C10orf105: variants seen among roughly 807,000 people sequenced by gnomAD.
C10orf105 encodes the protein chromosome 10 open reading frame 105.
Under a neutral mutation model 0.6 loss-of-function variants are expected in C10orf105, and 2 were observed. The observed-to-expected ratio is 3.18, with a 90% CI of 1.30 to 10.01. The LOEUF is 10.01. Ranked by LOEUF, C10orf105 falls within the 30% of genes most tolerant of loss-of-function variation. C10orf105 has a pLI of 0.04. For missense variants in C10orf105, 209 were observed against 191.4 expected (o/e 1.09, Z -0.54); for synonymous variants, 95 against 82.4 (o/e 1.15, Z -0.83).
At chr10:71,732,063 T>C in intron 1 of C10orf105, 1 of 1,613,980 alleles carries the variant, frequency 6.2e-7, no homozygotes, top group Non-Finnish European at 8.5e-7. Flanking sequence ...GCACAGGGCT[T>C]ATCATCACCG....
rs372172457 is a variant in C10orf105, at chr10:71,732,123, G to A, written c.-6+5605C>T. 4.0e-5 allele frequency: 65 copies of A among 1,613,842 alleles called. No individual in the cohort carries two copies. The East Asian group carries it at 7.6e-4, about 19-fold the overall frequency. ...AGACCAGCTACATGATGAATGTGTCGGCCACTGACCAGGCCCCGCCCTTCA... is the reference window on the plus strand; with the variant it reads ...AGACCAGCTACATGATGAATGTGTCAGCCACTGACCAGGCCCCGCCCTTCA... On this transcript the variant is annotated intron_variant, in intron 1 of 1. Transcript: ENST00000398786.
intron 1 of C10orf105, among the ~76,000 whole-genome samples, chr10:71,727,904 A>G (rs1253394437): frequency 5.3e-5 from 8 of 152,134 alleles, no homozygotes; most frequent in Non-Finnish European, 1.2e-4. Context: ...AGGTTTGCAA[A>G]CCATCTTGCC....
Position 71,730,456 on chromosome 10 carries a change from C to T in C10orf105, c.-6+7272G>A, listed in dbSNP as rs150894638. On this transcript the variant is annotated intron_variant, in intron 1 of 1. Transcript: ENST00000398786. Reference sequence around the variant, plus strand: ...CCCACCCTGACCTTGCACCCCTGGCCCGGCTCCCACAGGTGATTGTGTACG... The same window carrying T: ...CCCACCCTGACCTTGCACCCCTGGCTCGGCTCCCACAGGTGATTGTGTACG... 4.1e-4 allele frequency: 660 copies of T among 1,613,004 alleles called. 2 individuals carry two copies. The highest frequency in any genetic ancestry group is 2.9e-3 in the South Asian group (262 of 91,026).
rs1372895120 is a variant in C10orf105, at chr10:71,716,094, G to T, written c.244C>A (p.Pro82Thr). 1 of 1,533,338 alleles carries T rather than the reference G, an allele frequency of 6.5e-7. No individual in the cohort carries two copies. Among genetic ancestry groups the T allele is most frequent in the East Asian group, 2.5e-5 (1 of 40,500 alleles). The allele number at this position is 1,533,338 out of a possible 1,614,324, so 95.0% of individuals were successfully genotyped here. A position where few individuals can be genotyped will look rare whatever the true frequency, so the allele number is the denominator to read the frequency against. ...HECMPHHPGS[P>T]SEPQLRLWKR... is the part of the protein sequence containing the mutation. ...CAGAGCCGGAGCTGGGGCTCACTGG[G>T]GCTCCCAGGGTGGTGGGGCATGCAC... The change falls in exon 2 of 2, where the codon CCC (proline) becomes ACC (threonine). Residue 82 changes from proline (P) to threonine (T), a missense_variant. Transcript: ENST00000441508.
intron 1 of C10orf105, chr10:71,730,727 G>T: frequency 7.2e-7 from 1 of 1,393,068 alleles, no homozygotes; most frequent in Non-Finnish European, 9.8e-7. Flanking sequence ...CCATGTCTAG[G>T]CCAGGGAGGG....
upstream of C10orf105, among the ~76,000 whole-genome samples, chr10:71,722,118 G>A (rs1866585341): frequency 6.6e-6 from 1 of 152,132 alleles, no homozygotes; most frequent in Admixed American, 6.6e-5. Context: ...TAGGGCTTCG[G>A]GTGGCAAGAA....
At chr10:71,734,973 C>T (rs796235505) in intron 1 of C10orf105, among the ~76,000 whole-genome samples, 5 of 152,386 alleles carry the variant, frequency 3.3e-5, no homozygotes, top group African/African-American at 1.2e-4. Flanking sequence ...GGCTGTGTGA[C>T]ACAGGCAAGC....
intron 1 of C10orf105, chr10:71,730,408 G>T: frequency 6.3e-7 from 1 of 1,587,974 alleles, no homozygotes; most frequent in Non-Finnish European, 8.6e-7. Flanking sequence ...AGTGGGCCAA[G>T]CCCTGGGCTT....
chr10:71,717,149 T>A (rs1314356252), intron 1 of C10orf105: 2 of 152,234 alleles, frequency 1.3e-5, no homozygotes, highest in African/African-American at 2.4e-5. Flanking sequence ...GATTTGGCAT[T>A]AGGGAGCCAG....
upstream of C10orf105, among the ~76,000 whole-genome samples, chr10:71,723,344 C>T (rs528627033): frequency 6.6e-6 from 1 of 152,096 alleles, no homozygotes; most frequent in Admixed American, 6.6e-5. Context: ...CCAGTAGCCT[C>T]GAGGCTGCAC....
At chr10:71,735,862 A>C (rs1044570277) in intron 1 of C10orf105, among the ~76,000 whole-genome samples, 2 of 152,180 alleles carry the variant, frequency 1.3e-5, no homozygotes, top group African/African-American at 2.4e-5. Context: ...TATGCTCCCC[A>C]AGGGCAGCCG....
chr10:71,713,686 G>A lies in C10orf105; in HGVS notation c.*2250C>T. 4.6e-6 allele frequency: 1 copy of A among 218,330 alleles called. No homozygotes were observed. The highest frequency in any genetic ancestry group is 9.3e-6 in the Non-Finnish European group (1 of 107,132). 13.5% of individuals were successfully genotyped at this position (218,330 alleles called of 1,614,324 possible). ...TCTCTCGATCAGGGCCTCAGCTTGT[G>A]AGGACTTGGAGCATACCCCCCTGGC... is the stretch of plus-strand genomic sequence containing the variant. On this transcript the variant is annotated 3_prime_UTR_variant, in exon 2 of 2. Transcript: ENST00000441508.
chr10:71,731,870 G>GGGGCAGCCCATGCTGGGT, intron 1 of C10orf105: 1 of 1,027,168 alleles, frequency 9.7e-7, no homozygotes, highest in East Asian at 2.6e-5. Context: ...CGGCAGAGGT[G>GGGGCAGCCCATGCTGGGT]GGGCAGCCCA....
upstream of C10orf105, among the ~76,000 whole-genome samples, chr10:71,720,636 G>T (rs1390116924): frequency 6.6e-6 from 1 of 152,274 alleles, no homozygotes; most frequent in East Asian, 1.9e-4. Flanking sequence ...CTTTTTTGGA[G>T]CCCCAGTTTC....
chr10:71,712,558 C>G lies in C10orf105; in HGVS notation c.*3378G>C. ...CTTGCAAAGGCTAGGGCAGATGGGG[C>G]GGAACAGGGCACCTCTCTGGCCGGT... On this transcript the variant is annotated 3_prime_UTR_variant, in exon 2 of 2. Transcript: ENST00000441508. 1 of 1,306,826 alleles carries G rather than the reference C, an allele frequency of 7.7e-7. No homozygotes were observed. Among genetic ancestry groups the G allele is most frequent in the Non-Finnish European group, 1.1e-6 (1 of 933,520 alleles). 81.0% of individuals were successfully genotyped at this position (1,306,826 alleles called of 1,614,324 possible). A position where few individuals can be genotyped will look rare whatever the true frequency, so the allele number is the denominator to read the frequency against.
chr10:71,730,765 C>T (rs1170482621), intron 1 of C10orf105, among the ~76,000 whole-genome samples: 1 of 152,244 alleles, frequency 6.6e-6, no homozygotes. Flanking sequence ...GATCACTTCC[C>T]ACCAGTGGCC....
intron 1 of C10orf105, chr10:71,730,368 A>G: frequency 6.9e-7 from 1 of 1,459,438 alleles, no homozygotes; most frequent in Non-Finnish European, 9.2e-7. Context: ...CAGCAGGCCC[A>G]GGAAAGCAGT....
rs575434054 is a variant in C10orf105, at chr10:71,732,989, G to A, written c.-6+4739C>T. ...GACACCATAGTGTCAGATCCCACAG[G>A]TTGAGGGCTCAGTCTCACAAAACTG... On this transcript the variant is annotated intron_variant, in intron 1 of 1. Coordinates refer to the C10orf105 transcript ENST00000398786. 1.1e-4 allele frequency among the ~76,000 whole-genome samples: 17 copies of A among 152,248 alleles called. No homozygotes were observed. The East Asian group carries it at 3.3e-3, about 29-fold the overall frequency.
chr10:71,736,654 G>GC (rs1839574107), intron 1 of C10orf105, among the ~76,000 whole-genome samples: 1 of 152,160 alleles, frequency 6.6e-6, no homozygotes, highest in African/African-American at 2.4e-5. Context: ...AAGTCCAGCA[G>GC]CCCCCCTCAC....
Sources: gnomAD v4.1 joint callset for allele counts (sites outside exome capture counted in the v4.1 genomes callset) on GRCh38, gnomAD v4.1.1 for gene constraint, MANE v1.5 for transcripts, NCBI Gene and HGNC (gene_info 2026-07-23, HGNC 2026-07-21) for gene names.